Variants in SCUBE2 observed in about 807,000 individuals in gnomAD.
The protein encoded by SCUBE2 is signal peptide, CUB domain and EGF like domain containing 2.
SCUBE2 carries 114 observed loss-of-function variants against 125.9 expected under a neutral mutation model. The ratio of observed to expected loss-of-function variants is 0.91; its 90% confidence interval spans 0.78 to 1.06. The LOEUF is 1.06. Among genes scored for constraint, SCUBE2 ranks in the 50% least tolerant of loss-of-function variants. SCUBE2 has a pLI of 0.00. For synonymous variants in SCUBE2, 459 were observed against 492.9 expected (o/e 0.93, Z 0.91); for missense variants, 1,255 against 1,301.8 (o/e 0.96, Z 0.55).
intron 14 of SCUBE2, 182 bp downstream of exon 14, chr11:9,050,424 C>G (rs1858228638): frequency 1.7e-6 from 1 of 600,110 alleles, no homozygotes; most frequent in Non-Finnish European, 3.0e-6. Flanking sequence ...TACAAGCATG[C>G]TAGGTTATGC....
At chr11:9,050,465 G>A in intron 14 of SCUBE2, 141 bp downstream of exon 14, 3 of 666,606 alleles carry the variant, frequency 4.5e-6, no homozygotes, top group Non-Finnish European at 8.1e-6. Flanking sequence ...GTCCCTGGAA[G>A]TTGGGGATGG....
At chr11:9,085,867 C>G (rs1310652229) in intron 2 of SCUBE2, among the ~76,000 whole-genome samples, 3 of 147,902 alleles carry the variant, frequency 2.0e-5, no homozygotes, top group African/African-American at 7.8e-5. Flanking sequence ...GTGTCTTGCT[C>G]TGTTGCCCAG....
chr11:9,055,663 C>T (rs762841371), intron 10 of SCUBE2, 130 bp downstream of exon 10: 79 of 708,732 alleles, frequency 1.1e-4, no homozygotes, highest in Admixed American at 4.0e-5. Context: ...ATGGACTCAC[C>T]GCTATTGCTC....
intron 9 of SCUBE2, 144 bp downstream of exon 9, chr11:9,059,159 G>A: frequency 6.5e-6 from 6 of 922,610 alleles, no homozygotes; most frequent in Non-Finnish European, 9.6e-6. Flanking sequence ...CCTAATAGAT[G>A]AAATGAGTGA....
intron 15 of SCUBE2, 137 bp downstream of exon 15, chr11:9,047,806 A>T: frequency 9.1e-7 from 1 of 1,099,368 alleles, no homozygotes; most frequent in Non-Finnish European, 1.3e-6. Flanking sequence ...AATTCAGTTT[A>T]GTTTCGGGGT....
chr11:9,054,725 ATTTTTTTT>A (rs1174774188), intron 10 of SCUBE2, among the ~76,000 whole-genome samples: 47 of 22,336 alleles, frequency 2.1e-3, no homozygotes, highest in African/African-American at 7.5e-3. Context: ...ATATATATAT[ATTTTTTTT>A]TTTTTTTTTT....
At chr11:9,079,607 T>C in intron 2 of SCUBE2, 98 bp from the exon 3 acceptor site, 3 of 1,238,402 alleles carry the variant, frequency 2.4e-6, no homozygotes, top group Non-Finnish European at 2.3e-6. Context: ...GGAATCTACC[T>C]GAAAATACAT....
chr11:9,079,307 A>T, intron 3 of SCUBE2, 77 bp downstream of exon 3: 2 of 1,569,224 alleles, frequency 1.3e-6, no homozygotes, highest in Non-Finnish European at 1.7e-6. Flanking sequence ...TTTTGTCTTC[A>T]TGAGGAGGTC....
intron 17 of SCUBE2, among the ~76,000 whole-genome samples, chr11:9,033,138 G>T (rs1237293869): frequency 6.6e-6 from 1 of 152,178 alleles, no homozygotes; most frequent in Non-Finnish European, 1.5e-5. Context: ...GCTTGAGATT[G>T]ACTTCAAAGT....
At chr11:9,052,706 C>T in intron 13 of SCUBE2, 40 bp downstream of exon 13, 1 of 1,431,932 alleles carries the variant, frequency 7.0e-7, no homozygotes, top group Non-Finnish European at 9.5e-7. Flanking sequence ...CCCTTGAACA[C>T]AGTGAGCCCC....
intron 21 of SCUBE2, chr11:9,024,359 C>A (rs544026575): frequency 2.3e-6 from 3 of 1,286,716 alleles, no homozygotes; most frequent in Middle Eastern, 4.3e-4. Context: ...GGGTCCACCC[C>A]AAGAGATACT....
chr11:9,025,752 T>C lies in SCUBE2; in HGVS notation c.2804A>G (p.Asn935Ser). 1 of 1,614,190 alleles carries C rather than the reference T, an allele frequency of 6.2e-7. No homozygotes were observed. The highest frequency in any genetic ancestry group is 8.5e-7 in the Non-Finnish European group (1 of 1,180,040). The change falls in exon 21 of 23, where the codon AAT becomes AGT. Residue 935 changes from asparagine to serine, a missense_variant. By Grantham distance (46) the Asn-to-Ser change is conservative. Transcript: ENST00000649792. ...GAACCCTCTAGCGCTGTTCCCTTCA[T>C]TGGACTTGAACTGAATCCACAGCTT... Reference protein sequence around the residue: ...SKKLWIQFKSNEGNSARGFQV... With the variant: ...SKKLWIQFKSSEGNSARGFQV...
At chr11:9,053,074 G>C (rs1271914932) in intron 12 of SCUBE2, 25 bp downstream of exon 12, 3 of 1,593,516 alleles carry the variant, frequency 1.9e-6, no homozygotes, top group Non-Finnish European at 2.6e-6. Flanking sequence ...GTGAGGACCT[G>C]CCCCGGGAAC....
At chr11:9,069,692 A>G (rs1276238591) in intron 4 of SCUBE2, among the ~76,000 whole-genome samples, 197 bp from the exon 5 acceptor site, 1 of 152,170 alleles carries the variant, frequency 6.6e-6, no homozygotes, top group African/African-American at 2.4e-5. Context: ...GTCACCCAAG[A>G]GATATGATGT....
intron 2 of SCUBE2, among the ~76,000 whole-genome samples, chr11:9,087,762 C>T (rs1190159321): frequency 6.6e-6 from 1 of 152,196 alleles, no homozygotes; most frequent in Non-Finnish European, 1.5e-5. Flanking sequence ...TTTTGGTCTT[C>T]CCTTCCTTTG....
In SCUBE2 at chr11:9,027,424, G is replaced by A. The variant is rs761376478; in HGVS notation, c.2641C>T (p.Pro881Ser). 1.9e-6 allele frequency: 3 copies of A among 1,613,982 alleles called. No individual in the cohort carries two copies. Among genetic ancestry groups the A allele is most frequent in the Non-Finnish European group, 1.7e-6 (2 of 1,179,998 alleles). Reference sequence around the variant, plus strand: ...TCCTCTATGGGCAGGAAGATCTCAGGGACCACGATCAGGATGCGGCGCTTG... The same window carrying A: ...TCCTCTATGGGCAGGAAGATCTCAGAGACCACGATCAGGATGCGGCGCTTG... ...PPKRRILIVV[P>S]EIFLPIEDDC... The change falls in exon 20 of 23, where the codon CCT becomes TCT. Residue 881 changes from proline (P) to serine (S), a missense_variant. This residue lies in a region of SCUBE2 where 515 missense variants were observed against 515.7 expected (regional missense o/e 1.00). Transcript: ENST00000649792.
intron 2 of SCUBE2, among the ~76,000 whole-genome samples, chr11:9,085,476 C>T (rs896932209): frequency 1.3e-5 from 2 of 152,080 alleles, no homozygotes; most frequent in African/African-American, 4.8e-5. Flanking sequence ...CATGTAATCC[C>T]AGCACTTTGG....
chr11:9,086,081 G>A (rs879893374), intron 2 of SCUBE2, among the ~76,000 whole-genome samples: 2 of 152,104 alleles, frequency 1.3e-5, no homozygotes, highest in Admixed American at 6.5e-5. Flanking sequence ...GTATCCTCCT[G>A]CCTCAGCCGC....
chr11:9,044,920 G>A (rs543151872), intron 16 of SCUBE2, among the ~76,000 whole-genome samples: 1 of 152,130 alleles, frequency 6.6e-6, no homozygotes, highest in African/African-American at 2.4e-5. Flanking sequence ...TCTGCACTTT[G>A]GGGGAGTACG....
Sources: gnomAD v4.1 joint callset for allele counts (sites outside exome capture counted in the v4.1 genomes callset) on GRCh38, gnomAD v4.1.1 for gene constraint, gnomAD v4.1.1 regional missense constraint, MANE v1.5 for transcripts, NCBI Gene and HGNC (gene_info 2026-07-23, HGNC 2026-07-21) for gene names.